DCTN6: variants seen among roughly 807,000 people sequenced by gnomAD.
The protein encoded by DCTN6 is dynactin subunit 6, also known as dynactin 6.
DCTN6 carries 15 observed loss-of-function variants against 25.8 expected under a neutral mutation model. The observed-to-expected ratio is 0.58, with a 90% CI of 0.39 to 0.89. The LOEUF is 0.89. DCTN6 is among the 40% of genes least tolerant of loss of function. The probability of loss-of-function intolerance (pLI) is 0.00; values close to 1 mark genes in which losing one functional copy is unlikely to be tolerated. For synonymous variants in DCTN6, 64 were observed against 78.3 expected (o/e 0.82, Z 0.96); for missense variants, 198 against 237.6 (o/e 0.83, Z 1.09).
chr8:30,162,309 T>C (rs1439276968), intron 1 of DCTN6, among the ~76,000 whole-genome samples: 1 of 151,832 alleles, frequency 6.6e-6, no homozygotes, highest in Non-Finnish European at 1.5e-5. Flanking sequence ...CTGGTTGGTC[T>C]CAAACTCCTG....
intron 3 of DCTN6, chr8:30,176,794 G>T (rs1803841509): frequency 1.3e-5 from 3 of 234,728 alleles, no homozygotes; most frequent in Non-Finnish European, 2.5e-5. Context: ...TGGGCAACAT[G>T]GTGAAACCCC....
At chr8:30,174,093 C>T (rs764088570) in intron 2 of DCTN6, among the ~76,000 whole-genome samples, 1 of 152,232 alleles carries the variant, frequency 6.6e-6, no homozygotes, top group African/African-American at 2.4e-5. Flanking sequence ...CAATTCGAGA[C>T]TAGAGGCATC....
At chr8:30,178,225 A>G (rs1316420014) in intron 4 of DCTN6, among the ~76,000 whole-genome samples, 2 of 152,142 alleles carry the variant, frequency 1.3e-5, no homozygotes, top group Non-Finnish European at 2.9e-5. Context: ...GCATTTTGGG[A>G]GGCCGAGGCG....
intron 1 of DCTN6, among the ~76,000 whole-genome samples, chr8:30,163,211 T>C (rs577787332): frequency 5.3e-4 from 81 of 152,198 alleles, no homozygotes; most frequent in African/African-American, 1.9e-3. Flanking sequence ...GCAGGAGAGT[T>C]GCTTGAACCT....
Position 30,176,300 on chromosome 8 carries a change from C to T in DCTN6, c.195-826C>T, listed in dbSNP as rs1490803341. 5.9e-5 allele frequency among the ~76,000 whole-genome samples: 9 copies of T among 151,966 alleles called. No individual in the cohort carries two copies. In the South Asian group the frequency reaches 1.5e-3, roughly 25 times the overall value. ...ATCCCAGCACTTTGGGAGGCCGAGG[C>T]GGGCAGATCACGAGGTCAGGAGTTC... is the stretch of plus-strand genomic sequence containing the variant. On this transcript the variant is annotated intron_variant, in intron 3 of 6. Transcript: ENST00000221114.
intron 4 of DCTN6, 58 bp downstream of exon 4, chr8:30,177,272 C>G: frequency 7.3e-7 from 1 of 1,379,038 alleles, no homozygotes; most frequent in Non-Finnish European, 1.0e-6. Context: ...GTACCTAAGT[C>G]TTCTCCTGTA....
intron 2 of DCTN6, among the ~76,000 whole-genome samples, chr8:30,166,707 C>T (rs1235690178): frequency 6.6e-6 from 1 of 152,122 alleles, no homozygotes; most frequent in Non-Finnish European, 1.5e-5. Context: ...TCAGTATTCA[C>T]TTTCCTGTTT....
At chr8:30,166,929 G>T (rs1332444550) in intron 2 of DCTN6, among the ~76,000 whole-genome samples, 1 of 149,938 alleles carries the variant, frequency 6.7e-6, no homozygotes, top group Non-Finnish European at 1.5e-5. Context: ...GGACCAGAAA[G>T]AAAGACAAAA....
chr8:30,177,115 T>G lies in DCTN6; in HGVS notation c.195-11T>G. 6.3e-7 allele frequency: 1 copy of G among 1,597,916 alleles called. No individual in the cohort carries two copies. The highest frequency in any genetic ancestry group is 8.5e-7 in the Non-Finnish European group (1 of 1,172,868). On this transcript the variant is annotated splice_polypyrimidine_tract_variant and intron_variant, in intron 3 of 6. Coordinates refer to ENST00000221114, the MANE Select transcript of DCTN6 (RefSeq NM_006571.4). ...TTGACTTTTTGGATGATTTGTTTCT[T>G]CTGTTTACAGTTACCCAGATAATAT...
Position 30,174,333 on chromosome 8 carries a change from T to G in DCTN6, c.89-752T>G, listed in dbSNP as rs147046060. ...CTTCTGTCCACCCATATTTCTCCTT[T>G]TTTTTTTTTCTTTTTTTGAGACAGG... is the stretch of plus-strand genomic sequence containing the variant. On this transcript the variant is annotated intron_variant, in intron 2 of 6. Coordinates refer to ENST00000221114, the MANE Select transcript of DCTN6 (RefSeq NM_006571.4). 5.0e-3 allele frequency among the ~76,000 whole-genome samples: 764 copies of G among 152,110 alleles called. 3 individuals carry two copies. The highest frequency in any genetic ancestry group is 8.3e-3 in the Admixed American group (126 of 15,272).
chr8:30,161,090 A>G (rs112680335), intron 1 of DCTN6, among the ~76,000 whole-genome samples: 406 of 152,176 alleles, frequency 2.7e-3, no homozygotes, highest in Non-Finnish European at 4.1e-3. Context: ...AATCCAAGTG[A>G]TTGGATTATG....
intron 2 of DCTN6, among the ~76,000 whole-genome samples, chr8:30,172,217 C>A (rs1479146641): frequency 2.0e-5 from 3 of 151,986 alleles, no homozygotes; most frequent in Non-Finnish European, 4.4e-5. Context: ...TATTAAGGGA[C>A]CTGTGAAATA....
Position 30,156,476 on chromosome 8 carries a change from A to G in DCTN6, c.23+70A>G, listed in dbSNP as rs529484142. 143 of 1,522,874 alleles carry G rather than the reference A, an allele frequency of 9.4e-5. No individual in the cohort carries two copies. The African/African-American group carries it at 1.6e-3, about 17-fold the overall frequency. The allele number at this position is 1,522,874 out of a possible 1,614,324, so 94.3% of individuals were successfully genotyped here. A position where few individuals can be genotyped will look rare whatever the true frequency, so the allele number is the denominator to read the frequency against. ...GGGTGGAACCTGTTCCTGGTCGCCAATGGTGGCGACTCAGAAGGTGTCTCA... is the reference window on the plus strand; with the variant it reads ...GGGTGGAACCTGTTCCTGGTCGCCAGTGGTGGCGACTCAGAAGGTGTCTCA... On this transcript the variant is annotated intron_variant, in intron 1 of 6. Coordinates refer to ENST00000221114, the MANE Select transcript of DCTN6 (RefSeq NM_006571.4).
At chr8:30,163,478 A>G (rs1006844781) in intron 1 of DCTN6, among the ~76,000 whole-genome samples, 9 of 152,158 alleles carry the variant, frequency 5.9e-5, no homozygotes, top group Admixed American at 2.6e-4. Flanking sequence ...GTAATAGTCC[A>G]TAATGTGCCA....
intron 1 of DCTN6, 117 bp from the exon 2 acceptor site, chr8:30,163,994 G>A (rs562142433): frequency 5.8e-5 from 52 of 894,208 alleles, no homozygotes; most frequent in African/African-American, 1.2e-4. Context: ...GAGCCACTGC[G>A]CCTGGCCTTT....
At chr8:30,171,850 C>A (rs1465883885) in intron 2 of DCTN6, among the ~76,000 whole-genome samples, 1 of 152,138 alleles carries the variant, frequency 6.6e-6, no homozygotes, top group African/African-American at 2.4e-5. Flanking sequence ...TTCATATAAT[C>A]CACATTTCAG....
At chr8:30,162,354 G>C (rs755637746) in intron 1 of DCTN6, among the ~76,000 whole-genome samples, 3 of 152,150 alleles carry the variant, frequency 2.0e-5, no homozygotes, top group Non-Finnish European at 4.4e-5. Flanking sequence ...GCCTCCCAAA[G>C]TCCTGGGATT....
intron 4 of DCTN6, 47 bp downstream of exon 4, chr8:30,177,261 A>C: frequency 6.8e-7 from 1 of 1,470,362 alleles, no homozygotes; most frequent in Non-Finnish European, 9.5e-7. Flanking sequence ...GCTCTCCTTT[A>C]GTACCTAAGT....
intron 2 of DCTN6, among the ~76,000 whole-genome samples, chr8:30,170,175 A>G (rs1414075576): frequency 3.5e-5 from 5 of 144,138 alleles, no homozygotes; most frequent in Non-Finnish European, 7.6e-5. Flanking sequence ...TCTGTATCCA[A>G]AAAAAAAAAA....
Sources: gnomAD v4.1 joint callset for allele counts (sites outside exome capture counted in the v4.1 genomes callset) on GRCh38, gnomAD v4.1.1 for gene constraint, MANE v1.5 for transcripts, NCBI Gene and HGNC (gene_info 2026-07-23, HGNC 2026-07-21) for gene names.